Variants in GREB1L observed in about 807,000 individuals in gnomAD.
The protein encoded by GREB1L is GREB1 like retinoic acid receptor coactivator.
In GREB1L, 17 loss-of-function variants were observed where a neutral mutation model predicts 200.8. The ratio of observed to expected loss-of-function variants is 0.08; its 90% CI spans 0.06 to 0.13. The LOEUF (loss-of-function observed/expected upper bound fraction) is 0.13. Among genes scored for constraint, GREB1L ranks in the 10% least tolerant of loss-of-function variants. The pLI is 1.00. For synonymous variants in GREB1L, 789 were observed against 893.0 expected, an observed-to-expected ratio of 0.88 and a Z score of 2.08; for missense variants, 1,657 against 2,367.7, an observed-to-expected ratio of 0.70 and a Z score of 6.23.
intron 15 of GREB1L, among the ~76,000 whole-genome samples, chr18:21,467,972 C>G (rs1407016126): frequency 6.6e-6 from 1 of 150,392 alleles, no homozygotes; most frequent in Non-Finnish European, 1.5e-5. Flanking sequence ...TCACAGTGAG[C>G]CGAGATCATG....
chr18:21,310,390 T>A (rs2038771938), intron 1 of GREB1L, among the ~76,000 whole-genome samples: 1 of 152,188 alleles, frequency 6.6e-6, no homozygotes, highest in African/African-American at 2.4e-5. Context: ...TTTTTTTACA[T>A]GAAAAATACC....
chr18:21,447,362 G>A (rs2034282908), intron 11 of GREB1L, among the ~76,000 whole-genome samples: 1 of 152,100 alleles, frequency 6.6e-6, no homozygotes, highest in Non-Finnish European at 1.5e-5. Context: ...TGGAAACAAG[G>A]CATTTTACTC....
At chr18:21,420,604 A>G (rs2032072269) in intron 7 of GREB1L, among the ~76,000 whole-genome samples, 1 of 152,218 alleles carries the variant, frequency 6.6e-6, no homozygotes, top group African/African-American at 2.4e-5. Flanking sequence ...ATACCAGTAT[A>G]CACCTATTAG....
chr18:21,324,218 A>G (rs1190483817), intron 1 of GREB1L, among the ~76,000 whole-genome samples: 1 of 152,222 alleles, frequency 6.6e-6, no homozygotes, highest in African/African-American at 2.4e-5. Flanking sequence ...AAATATGCTC[A>G]GCACATAGAT....
chr18:21,308,756 G>C lies in GREB1L; in HGVS notation c.-119-57271G>C, dbSNP rs141829264. ...CCCTGGACTGAGGAGAGAGATGTCA[G>C]CCTGATTTCTGTGTCCCTACAGCTC... On this transcript the variant is annotated intron_variant, in intron 1 of 32. Coordinates refer to ENST00000424526, the MANE Select transcript of GREB1L (RefSeq NM_001142966.3). Among the ~76,000 whole-genome samples, 352 of 152,322 alleles carry C rather than the reference G, an allele frequency of 2.3e-3. 2 individuals are homozygous for C. Among genetic ancestry groups the C allele is most frequent in the Non-Finnish European group, 4.2e-3 (288 of 68,024 alleles).
intron 1 of GREB1L, among the ~76,000 whole-genome samples, chr18:21,353,345 GGCAGGTACTCAATAGTA>G (rs1373574667): frequency 6.6e-6 from 1 of 152,006 alleles, no homozygotes; most frequent in Admixed American, 6.5e-5. Flanking sequence ...CAAGGTACAT[GGCAGGTACTCAATAGTA>G]GCAGCTATTA....
intron 15 of GREB1L, among the ~76,000 whole-genome samples, chr18:21,469,585 G>A (rs1298654988): frequency 1.3e-5 from 2 of 152,198 alleles, no homozygotes; most frequent in Non-Finnish European, 2.9e-5. Flanking sequence ...TGGGCGTTAA[G>A]TGTGCCCATT....
intron 15 of GREB1L, among the ~76,000 whole-genome samples, chr18:21,463,215 G>A (rs1467015760): frequency 2.8e-5 from 4 of 144,264 alleles, no homozygotes; most frequent in South Asian, 2.2e-4. Context: ...GCGTGATCTC[G>A]GCTCACTGCA....
At chr18:21,446,918 A>G (rs2145358504) in intron 11 of GREB1L, among the ~76,000 whole-genome samples, 1 of 152,348 alleles carries the variant, frequency 6.6e-6, no homozygotes. Flanking sequence ...TGAAGTAGAT[A>G]ATGAAATCAG....
chr18:21,339,763 C>A (rs2039240706), intron 1 of GREB1L, among the ~76,000 whole-genome samples: 1 of 152,334 alleles, frequency 6.6e-6, no homozygotes, highest in Middle Eastern at 3.4e-3. Context: ...GGAAACCTCT[C>A]TCAACCTTAG....
At chr18:21,399,944 A>G (rs1232238572) in intron 5 of GREB1L, among the ~76,000 whole-genome samples, 1 of 152,058 alleles carries the variant, frequency 6.6e-6, no homozygotes, top group Non-Finnish European at 1.5e-5. Context: ...CTATTTATAT[A>G]TCTTTGTTAA....
At chr18:21,376,520 C>T (rs917285648) in intron 2 of GREB1L, among the ~76,000 whole-genome samples, 4 of 151,162 alleles carry the variant, frequency 2.6e-5, no homozygotes, top group Middle Eastern at 3.4e-3. Flanking sequence ...AAAAAATAGA[C>T]AGGGCCGGGC....
In GREB1L at chr18:21,353,136, C is replaced by T. The variant is rs187112118; in HGVS notation, c.-119-12891C>T. 2.6e-3 allele frequency among the ~76,000 whole-genome samples: 397 copies of T among 150,270 alleles called. 2 individuals are homozygous for T. Among genetic ancestry groups the T allele is most frequent in the Non-Finnish European group, 3.6e-3 (245 of 67,784 alleles). ...AGCGGAACTTGCAGTGAGCAGAGAT[C>T]GCATCACTGCACTCCAGCCTAGGTG... On this transcript the variant is annotated intron_variant, in intron 1 of 32. Coordinates refer to ENST00000424526, the MANE Select transcript of GREB1L (RefSeq NM_001142966.3).
intron 17 of GREB1L, among the ~76,000 whole-genome samples, chr18:21,481,437 G>GTA (rs1300428515): frequency 5.1e-5 from 6 of 117,380 alleles, no homozygotes; most frequent in Non-Finnish European, 8.2e-5. Context: ...CAGTATATAT[G>GTA]TATGTGTGTG....
intron 1 of GREB1L, among the ~76,000 whole-genome samples, chr18:21,249,351 T>C (rs1248342061): frequency 6.6e-6 from 1 of 152,158 alleles, no homozygotes; most frequent in Non-Finnish European, 1.5e-5. Flanking sequence ...TTGTTAGATA[T>C]TCAAAATCTC....
chr18:21,370,190 T>A (rs991950603), intron 2 of GREB1L, among the ~76,000 whole-genome samples: 5 of 152,118 alleles, frequency 3.3e-5, no homozygotes, highest in Non-Finnish European at 7.4e-5. Context: ...CTGTTTAATA[T>A]ATAATTGGAT....
At chr18:21,448,005 A>C (rs1312386229) in intron 11 of GREB1L, among the ~76,000 whole-genome samples, 1 of 152,086 alleles carries the variant, frequency 6.6e-6, no homozygotes, top group Non-Finnish European at 1.5e-5. Context: ...TCTATCAAAA[A>C]TACAAAAATT....
At chr18:21,473,574 AAAAAAAAAAAAAAG>A (rs2035568250) in intron 16 of GREB1L, among the ~76,000 whole-genome samples, 1 of 144,098 alleles carries the variant, frequency 6.9e-6, no homozygotes, top group Admixed American at 7.2e-5. Flanking sequence ...GTCTCAAAAA[AAAAAAAAAAAAAAG>A]AAAGAAAAGA....
chr18:21,485,083 C>T (rs569483660), intron 17 of GREB1L, among the ~76,000 whole-genome samples: 52 of 152,244 alleles, frequency 3.4e-4, no homozygotes, highest in African/African-American at 1.2e-3. Flanking sequence ...TGATGACTGA[C>T]TCATCAAGAG....
Sources: gnomAD v4.1 joint callset for allele counts (sites outside exome capture counted in the v4.1 genomes callset) on GRCh38, gnomAD v4.1.1 for gene constraint, MANE v1.5 for transcripts, NCBI Gene and HGNC (gene_info 2026-07-23, HGNC 2026-07-21) for gene names.